The following UNC5C variants were observed in gnomAD, a reference collection of about 807,000 sequenced individuals.
The protein encoded by UNC5C is unc-5 netrin receptor C.
UNC5C carries 47 observed loss-of-function variants against 99.8 expected under a neutral mutation model. That is an observed-to-expected ratio of 0.47 (90% CI 0.37 to 0.60). UNC5C has a LOEUF of 0.60. Ranked by LOEUF, UNC5C falls within the 20% of genes least tolerant of loss-of-function variation. The pLI is 0.00. For missense variants in UNC5C, 1,062 were observed against 1,165.9 expected, an observed-to-expected ratio of 0.91 and a Z score of 1.30; for synonymous variants, 487 against 452.2, an observed-to-expected ratio of 1.08 and a Z score of -0.98.
chr4:95,171,876 T>G (rs1486949567), intron 14 of UNC5C, among the ~76,000 whole-genome samples: 4 of 152,040 alleles, frequency 2.6e-5, no homozygotes, highest in Non-Finnish European at 5.9e-5. Context: ...GTGTTCCTGT[T>G]TCTCCACATC....
intron 14 of UNC5C, among the ~76,000 whole-genome samples, chr4:95,170,959 G>A (rs1389693091): frequency 3.9e-5 from 6 of 152,212 alleles, no homozygotes; most frequent in Non-Finnish European, 8.8e-5. Flanking sequence ...AGTTGTTAAT[G>A]GCATCCTCCA....
intron 7 of UNC5C, among the ~76,000 whole-genome samples, chr4:95,237,014 G>T (rs1030293227): frequency 6.6e-6 from 1 of 152,092 alleles, no homozygotes; most frequent in Non-Finnish European, 1.5e-5. Flanking sequence ...CATAGTATTT[G>T]CATGTAACCT....
chr4:95,405,136 T>C (rs1226810150), intron 1 of UNC5C, among the ~76,000 whole-genome samples: 1 of 152,182 alleles, frequency 6.6e-6, no homozygotes, highest in Non-Finnish European at 1.5e-5. Flanking sequence ...CCCTCTGCTC[T>C]TGCAAAAAGG....
At chr4:95,406,161 A>G (rs1367689198) in intron 1 of UNC5C, among the ~76,000 whole-genome samples, 1 of 152,190 alleles carries the variant, frequency 6.6e-6, no homozygotes, top group Non-Finnish European at 1.5e-5. Flanking sequence ...ATGCTAGGTA[A>G]AGGTATGATT....
chr4:95,251,335 C>T (rs1391223174), intron 4 of UNC5C, among the ~76,000 whole-genome samples: 2 of 152,120 alleles, frequency 1.3e-5, no homozygotes, highest in African/African-American at 4.8e-5. Context: ...GAATAGCTTA[C>T]AAATCATACT....
intron 1 of UNC5C, among the ~76,000 whole-genome samples, chr4:95,462,577 G>A (rs1301266917): frequency 1.3e-5 from 2 of 152,054 alleles, no homozygotes; most frequent in African/African-American, 2.4e-5. Flanking sequence ...GAGGTAATTC[G>A]GTTTTAAGGG....
intron 7 of UNC5C, among the ~76,000 whole-genome samples, chr4:95,231,263 T>C (rs1189240167): frequency 6.6e-6 from 1 of 152,162 alleles, no homozygotes; most frequent in Non-Finnish European, 1.5e-5. Context: ...CATTTCAATA[T>C]GGAGCTGCTT....
intron 1 of UNC5C, among the ~76,000 whole-genome samples, chr4:95,543,052 TGTGA>T (rs1722957549): frequency 6.6e-6 from 1 of 152,114 alleles, no homozygotes; most frequent in Admixed American, 6.6e-5. Flanking sequence ...ACCAAGTTTC[TGTGA>T]GTAAAACATC....
intron 2 of UNC5C, among the ~76,000 whole-genome samples, chr4:95,321,336 G>A (rs528602185): frequency 2.6e-5 from 4 of 152,230 alleles, no homozygotes; most frequent in Non-Finnish European, 5.9e-5. Context: ...TAAATGTGTA[G>A]CCTAAAAATT....
chr4:95,185,042 C>T lies in UNC5C; in HGVS notation c.2286+5G>A, dbSNP rs1176013651. 6.2e-7 allele frequency: 1 copy of T among 1,609,322 alleles called. No homozygotes were observed. Among genetic ancestry groups the T allele is most frequent in the Non-Finnish European group, 8.5e-7 (1 of 1,178,520 alleles). On this transcript the variant is annotated splice_donor_5th_base_variant and intron_variant, in intron 13 of 15. Transcript: ENST00000453304. ...CAGACCTTTTGTTCGGCTTGGGAACCTTACCTGATATTTAGCCAGCAATTT... is the reference window on the plus strand; with the variant it reads ...CAGACCTTTTGTTCGGCTTGGGAACTTTACCTGATATTTAGCCAGCAATTT...
chr4:95,457,526 CAA>C (rs1560840030), intron 1 of UNC5C, among the ~76,000 whole-genome samples: 1 of 152,110 alleles, frequency 6.6e-6, no homozygotes. Flanking sequence ...ACCAACAAAA[CAA>C]GAGCACACGG....
chr4:95,530,962 T>G (rs1167246055), intron 1 of UNC5C, among the ~76,000 whole-genome samples: 1 of 152,218 alleles, frequency 6.6e-6, no homozygotes, highest in Non-Finnish European at 1.5e-5. Context: ...TGATTCTTAC[T>G]AAAATAAAGA....
intron 1 of UNC5C, among the ~76,000 whole-genome samples, chr4:95,478,298 T>C (rs189179757): frequency 1.3e-4 from 20 of 152,098 alleles, no homozygotes; most frequent in South Asian, 6.2e-4. Flanking sequence ...AGCTCCATGA[T>C]TGACAGGACA....
chr4:95,229,450 A>G (rs988465717), intron 7 of UNC5C, among the ~76,000 whole-genome samples: 3 of 152,164 alleles, frequency 2.0e-5, no homozygotes, highest in African/African-American at 7.2e-5. Flanking sequence ...GCAATAAAAC[A>G]TGAACTCATC....
chr4:95,190,419 A>G (rs955098220), intron 12 of UNC5C, among the ~76,000 whole-genome samples: 2 of 152,190 alleles, frequency 1.3e-5, no homozygotes, highest in African/African-American at 2.4e-5. Context: ...CAGCACACCA[A>G]CATGGCACAT....
intron 1 of UNC5C, among the ~76,000 whole-genome samples, chr4:95,480,090 T>G (rs1721089065): frequency 6.6e-6 from 1 of 151,594 alleles, no homozygotes; most frequent in African/African-American, 2.4e-5. Context: ...CATCAGCACT[T>G]CCAGGTCTTC....
Position 95,509,758 on chromosome 4 carries a change from A to G in UNC5C, c.124+38976T>C, listed in dbSNP as rs185755567. On this transcript the variant is annotated intron_variant, in intron 1 of 15. Coordinates refer to ENST00000453304, the MANE Select transcript of UNC5C (RefSeq NM_003728.4). ...ATATTTGATGTTAGAGTAGCAGGCC[A>G]TTTTAATTCAAATAATTATTTGCAT... 1.9e-3 allele frequency among the ~76,000 whole-genome samples: 286 copies of G among 152,014 alleles called. 1 individual carries two copies. Among genetic ancestry groups the G allele is most frequent in the Non-Finnish European group, 3.2e-3 (220 of 67,818 alleles).
At chr4:95,509,714 G>A (rs979289820) in intron 1 of UNC5C, among the ~76,000 whole-genome samples, 4 of 151,640 alleles carry the variant, frequency 2.6e-5, no homozygotes, top group African/African-American at 7.3e-5. Flanking sequence ...TCATTTAATT[G>A]TATTCTCAGT....
At chr4:95,219,402 G>A (rs776512463) in intron 8 of UNC5C, 89 bp from the exon 9 acceptor site, 27 of 1,298,356 alleles carry the variant, frequency 2.1e-5, no homozygotes, top group African/African-American at 4.4e-5. Flanking sequence ...TTTCTGAGCC[G>A]AAAGTAAAGC....
Sources: allele counts gnomAD v4.1 joint callset (sites outside exome capture counted in the v4.1 genomes callset), GRCh38; gene constraint gnomAD v4.1.1; transcripts MANE v1.5; gene names NCBI Gene and HGNC (gene_info 2026-07-23, HGNC 2026-07-21).